The following GALNT17 variants were observed in gnomAD, a reference collection of about 807,000 sequenced individuals.
GALNT17 encodes the protein UDP-GalNAc:polypeptide N-acetylgalactosaminyltransferase-like 3.
GALNT17 carries 29 observed loss-of-function variants against 63.7 expected under a neutral mutation model. That is an observed-to-expected ratio of 0.46 (90% CI 0.34 to 0.62). The LOEUF (loss-of-function observed/expected upper bound fraction) is 0.62, where lower values mean the gene tolerates loss of function less well. Ranked by LOEUF, GALNT17 falls within the 20% of genes least tolerant of loss-of-function variation. GALNT17 has a pLI of 0.01. For synonymous variants in GALNT17, 305 were observed against 318.3 expected (o/e 0.96, Z 0.45); for missense variants, 603 against 799.6 (o/e 0.75, Z 2.97).
chr7:71,699,475 C>CA (rs35825722), intron 9 of GALNT17, among the ~76,000 whole-genome samples: 19,950 of 96,508 alleles, frequency 0.21, 1,608 homozygotes, highest in Non-Finnish European at 0.27. Context: ...GACTCTGTCT[C>CA]AAAAAAAAAA....
intron 6 of GALNT17, among the ~76,000 whole-genome samples, chr7:71,573,290 A>T (rs759491396): frequency 3.4e-5 from 5 of 149,056 alleles, no homozygotes; most frequent in Non-Finnish European, 7.4e-5. Flanking sequence ...GATTACAGAC[A>T]TGAGCTCCCA....
At chr7:71,301,836 T>A (rs1478702110) in intron 1 of GALNT17, among the ~76,000 whole-genome samples, 1 of 152,238 alleles carries the variant, frequency 6.6e-6, no homozygotes, top group African/African-American at 2.4e-5. Flanking sequence ...AGAATTTCAC[T>A]GTCTTTTGAA....
chr7:71,565,510 C>T (rs1789328319), intron 5 of GALNT17, among the ~76,000 whole-genome samples: 1 of 151,500 alleles, frequency 6.6e-6, no homozygotes, highest in Non-Finnish European at 1.5e-5. Flanking sequence ...CCCTCCCTCC[C>T]ACCCCTAGTT....
intron 6 of GALNT17, among the ~76,000 whole-genome samples, chr7:71,572,522 A>AAAC (rs1789464230): frequency 6.7e-6 from 1 of 149,806 alleles, no homozygotes; most frequent in Admixed American, 6.7e-5. Flanking sequence ...AAAAAAAAAA[A>AAAC]AAAAAAAACT....
At chr7:71,360,304 A>T (rs1044123350) in intron 2 of GALNT17, among the ~76,000 whole-genome samples, 1 of 152,216 alleles carries the variant, frequency 6.6e-6, no homozygotes, top group Non-Finnish European at 1.5e-5. Context: ...TATGACTACT[A>T]ACTCGGATAA....
chr7:71,406,319 A>G (rs1793327850), intron 3 of GALNT17, among the ~76,000 whole-genome samples: 1 of 152,204 alleles, frequency 6.6e-6, no homozygotes, highest in African/African-American at 2.4e-5. Context: ...AAGCTTCCGC[A>G]TTGGGCCCCT....
At chr7:71,569,936 G>A (rs1337754392) in intron 5 of GALNT17, among the ~76,000 whole-genome samples, 3 of 152,094 alleles carry the variant, frequency 2.0e-5, no homozygotes, top group Non-Finnish European at 4.4e-5. Flanking sequence ...TCTATTTTTA[G>A]TTCTTTGAGA....
chr7:71,264,392 G>T (rs549775006), intron 1 of GALNT17, among the ~76,000 whole-genome samples: 1 of 152,178 alleles, frequency 6.6e-6, no homozygotes, highest in Non-Finnish European at 1.5e-5. Flanking sequence ...TGTACCTGAG[G>T]GGGTGAAGAC....
intron 6 of GALNT17, among the ~76,000 whole-genome samples, chr7:71,630,960 A>T (rs1790445530): frequency 6.6e-6 from 1 of 152,230 alleles, no homozygotes; most frequent in South Asian, 2.1e-4. Context: ...TTATTCATTC[A>T]GTTGTTCAAT....
chr7:71,363,600 A>G (rs563982673), intron 2 of GALNT17, among the ~76,000 whole-genome samples: 3 of 152,380 alleles, frequency 2.0e-5, no homozygotes, highest in Admixed American at 6.5e-5. Flanking sequence ...TCCGACTTCA[A>G]AACCAGCCTT....
chr7:71,682,262 G>T (rs116523474), intron 9 of GALNT17, among the ~76,000 whole-genome samples: 6,685 of 152,174 alleles, frequency 0.044, 512 homozygotes, highest in African/African-American at 0.15. Flanking sequence ...CAGGAAGCAC[G>T]TGGGTGAACC....
At chr7:71,365,322 C>T (rs1026824395) in intron 2 of GALNT17, among the ~76,000 whole-genome samples, 1 of 152,232 alleles carries the variant, frequency 6.6e-6, no homozygotes, top group Non-Finnish European at 1.5e-5. Context: ...TCACTGCAAC[C>T]TCTGCCTCCC....
rs577789019 is a variant in GALNT17 at position 71,648,141 on chromosome 7, A to G, written c.1081-17270A>G. On this transcript the variant is annotated intron_variant, in intron 6 of 10. Coordinates refer to ENST00000333538, the MANE Select transcript of GALNT17 (RefSeq NM_022479.3). ...CAGTTCACTTCACAGCTACACAGCT[A>G]TTCTCTTGGCTAGTAAATAATAACT... 2.6e-5 allele frequency among the ~76,000 whole-genome samples: 4 copies of G among 152,344 alleles called. No homozygotes were observed. The East Asian group carries it at 7.7e-4, about 29-fold the overall frequency.
chr7:71,506,411 C>T (rs183222485), intron 5 of GALNT17, among the ~76,000 whole-genome samples: 1 of 152,082 alleles, frequency 6.6e-6, no homozygotes, highest in African/African-American at 2.4e-5. Context: ...GGATTACAGG[C>T]ACCTGCCCCC....
chr7:71,706,268 C>A (rs1208224667), intron 9 of GALNT17, among the ~76,000 whole-genome samples: 2 of 152,186 alleles, frequency 1.3e-5, no homozygotes, highest in East Asian at 3.9e-4. Context: ...CTGCCCCAGC[C>A]TACCCTGCAT....
intron 5 of GALNT17, among the ~76,000 whole-genome samples, chr7:71,569,330 G>T (rs1459967285): frequency 6.6e-6 from 1 of 152,076 alleles, no homozygotes; most frequent in Non-Finnish European, 1.5e-5. Flanking sequence ...TGTTACATGG[G>T]TATATTGAGT....
Position 71,690,019 on chromosome 7 carries a change from C to CTT in GALNT17, c.1500+12727_1500+12728dup, listed in dbSNP as rs36049127. On this transcript the variant is annotated intron_variant, in intron 9 of 10. Transcript: ENST00000333538. The stretch of plus-strand genomic sequence containing the variant: ...GTTTACAGCATGGTTTACTGAATAT[C>CTT]TTTTTTTTTTTTTTTCTTTTTTTTG... 4.8e-3 allele frequency among the ~76,000 whole-genome samples: 680 copies of CTT among 142,516 alleles called. 5 individuals are homozygous for CTT. Among genetic ancestry groups the CTT allele is most frequent in the Middle Eastern group, 7.4e-3 (2 of 272 alleles). The allele number at this position is 142,516 out of a possible 152,430, so 93.5% of individuals were successfully genotyped here.
At chr7:71,505,457 A>C (rs1407454682) in intron 5 of GALNT17, among the ~76,000 whole-genome samples, 1 of 152,168 alleles carries the variant, frequency 6.6e-6, no homozygotes, top group Non-Finnish European at 1.5e-5. Context: ...AACATTAGCC[A>C]TATGGGGTGG....
intron 1 of GALNT17, among the ~76,000 whole-genome samples, chr7:71,290,997 C>T (rs1790969939): frequency 1.3e-5 from 2 of 152,158 alleles, no homozygotes; most frequent in Admixed American, 6.5e-5. Context: ...AGTAGTAATA[C>T]CTTCTTCATA....
Sources: allele counts gnomAD v4.1 joint callset (sites outside exome capture counted in the v4.1 genomes callset), GRCh38; gene constraint gnomAD v4.1.1; transcripts MANE v1.5; gene names NCBI Gene and HGNC (gene_info 2026-07-23, HGNC 2026-07-21).